Variants in RGS6 observed in about 807,000 individuals in gnomAD.
RGS6 encodes the protein regulator of G protein signaling 6.
RGS6 carries 30 observed loss-of-function variants against 78.5 expected under a neutral mutation model. That is an observed-to-expected ratio of 0.38 (90% CI 0.29 to 0.52). The LOEUF (loss-of-function observed/expected upper bound fraction) is 0.52, where lower values mean the gene tolerates loss of function less well. RGS6 is among the 20% of genes least tolerant of loss of function. RGS6 has a pLI of 0.85. For missense variants in RGS6, 495 were observed against 609.7 expected, an observed-to-expected ratio of 0.81 and a Z score of 1.98; for synonymous variants, 206 against 206.0, an observed-to-expected ratio of 1.00 and a Z score of 0.00.
At chr14:72,345,778 G>C (rs978259219) in intron 2 of RGS6, among the ~76,000 whole-genome samples, 1 of 152,222 alleles carries the variant, frequency 6.6e-6, no homozygotes. Flanking sequence ...GGTGCTCAGT[G>C]AATGTCCACT....
the RGS6 span, among the ~76,000 whole-genome samples, chr14:72,606,625 G>T: frequency 1.3e-5 from 2 of 152,208 alleles, no homozygotes; most frequent in Admixed American, 6.5e-5. Flanking sequence ...GCGTTTGCTT[G>T]AACATAACTT....
At chr14:72,353,678 C>T (rs954587113) in intron 3 of RGS6, among the ~76,000 whole-genome samples, 1 of 152,030 alleles carries the variant, frequency 6.6e-6, no homozygotes, top group Non-Finnish European at 1.5e-5. Context: ...TGACTCTATA[C>T]ATAGGCCAAA....
At chr14:72,132,232 C>A (rs2096336562) in intron 2 of RGS6, among the ~76,000 whole-genome samples, 1 of 151,822 alleles carries the variant, frequency 6.6e-6, no homozygotes, top group Non-Finnish European at 1.5e-5. Context: ...TCTAGTGTTC[C>A]AAAGGAAGTA....
intron 2 of RGS6, among the ~76,000 whole-genome samples, chr14:72,066,937 G>C (rs1011931871): frequency 7.3e-5 from 11 of 150,624 alleles, no homozygotes; most frequent in African/African-American, 2.4e-4. Context: ...TAAGATTTTT[G>C]TGCTGAGAAT....
intron 2 of RGS6, among the ~76,000 whole-genome samples, chr14:72,037,970 A>ATTATTTTATTTTATTTTATTTTATT (rs57374454): frequency 0.029 from 4,425 of 151,244 alleles, 82 homozygotes; most frequent in Non-Finnish European, 0.04. Context: ...TTTATTTTTT[A>ATTATTTTATTTTATTTTATTTTATT]TTATTTTATT....
At chr14:72,438,888 A>G (rs2095061578) in intron 3 of RGS6, among the ~76,000 whole-genome samples, 1 of 152,116 alleles carries the variant, frequency 6.6e-6, no homozygotes, top group Non-Finnish European at 1.5e-5. Flanking sequence ...TCTCCTCTCC[A>G]CTGTGTTCTG....
the RGS6 span, among the ~76,000 whole-genome samples, chr14:72,587,060 A>G: frequency 2.0e-5 from 3 of 152,198 alleles, no homozygotes; most frequent in Admixed American, 6.5e-5. Context: ...GTGTCCAGCC[A>G]TAACAGCCTT....
At chr14:72,178,348 G>A (rs142140123) in intron 2 of RGS6, among the ~76,000 whole-genome samples, 291 of 152,250 alleles carry the variant, frequency 1.9e-3, no homozygotes, top group African/African-American at 6.7e-3. Context: ...TTCTGCAGGA[G>A]GGACACCCCT....
chr14:72,499,870 C>G (rs556656140), intron 13 of RGS6, among the ~76,000 whole-genome samples: 1 of 152,240 alleles, frequency 6.6e-6, no homozygotes, highest in East Asian at 1.9e-4. Flanking sequence ...TGTTCTATAT[C>G]ACATCCTCCT....
intron 15 of RGS6, among the ~76,000 whole-genome samples, chr14:72,535,768 A>G (rs2097242280): frequency 6.6e-6 from 1 of 152,210 alleles, no homozygotes; most frequent in African/African-American, 2.4e-5. Flanking sequence ...TGTCATTTCA[A>G]GAATGTTATG....
intron 3 of RGS6, among the ~76,000 whole-genome samples, chr14:72,366,792 G>C (rs935038254): frequency 6.6e-6 from 1 of 152,138 alleles, no homozygotes; most frequent in Non-Finnish European, 1.5e-5. Context: ...CGCCCCACCT[G>C]CCCTGCAGGT....
At chr14:72,550,497 A>G (rs1024489306) in intron 17 of RGS6, 1 of 1,535,730 alleles carries the variant, frequency 6.5e-7, no homozygotes, top group Non-Finnish European at 8.7e-7. Context: ...CCTGGCCTTA[A>G]CATCATAGCA....
At chr14:72,206,551 A>G (rs1468887289) in intron 2 of RGS6, among the ~76,000 whole-genome samples, 2 of 152,166 alleles carry the variant, frequency 1.3e-5, no homozygotes, top group Non-Finnish European at 2.9e-5. Context: ...AAAGAGGTTT[A>G]ATTGAACTTA....
chr14:72,247,136 T>C (rs532747866), intron 2 of RGS6, among the ~76,000 whole-genome samples: 56 of 152,326 alleles, frequency 3.7e-4, no homozygotes, highest in African/African-American at 1.3e-3. Context: ...TTCCAGCTCT[T>C]TCTTTCTTCT....
intron 3 of RGS6, among the ~76,000 whole-genome samples, chr14:72,354,113 T>C (rs902696024): frequency 6.6e-6 from 1 of 152,196 alleles, no homozygotes; most frequent in African/African-American, 2.4e-5. Context: ...CAGCTCATTA[T>C]TGAGACTGTC....
At chr14:71,887,656 A>G in the RGS6 span, among the ~76,000 whole-genome samples, 1 of 152,118 alleles carries the variant, frequency 6.6e-6, no homozygotes, top group African/African-American at 2.4e-5. Context: ...CGCCCTGGTA[A>G]ATTTGTGGTC....
chr14:71,930,367 G>A (rs1400199278), upstream of RGS6, among the ~76,000 whole-genome samples: 2 of 151,928 alleles, frequency 1.3e-5, no homozygotes, highest in Non-Finnish European at 2.9e-5. Flanking sequence ...GGCCATGTCA[G>A]CAAAAAATGT....
chr14:72,004,051 T>C (rs768296259), intron 2 of RGS6, among the ~76,000 whole-genome samples: 1 of 152,124 alleles, frequency 6.6e-6, no homozygotes, highest in African/African-American at 2.4e-5. Context: ...CCTGATTTAA[T>C]TGGTATGGGG....
At chr14:71,885,522 A>T in the RGS6 span, among the ~76,000 whole-genome samples, 1 of 152,180 alleles carries the variant, frequency 6.6e-6, no homozygotes, top group African/African-American at 2.4e-5. Flanking sequence ...GGAGTGGTGG[A>T]GAGAGGTCAG....
Sources: allele counts gnomAD v4.1 joint callset (sites outside exome capture counted in the v4.1 genomes callset), GRCh38; gene constraint gnomAD v4.1.1; transcripts MANE v1.5; gene names NCBI Gene and HGNC (gene_info 2026-07-23, HGNC 2026-07-21).